The following PCDHGA2 variants were observed in gnomAD, a reference collection of about 807,000 sequenced individuals.
PCDHGA2 encodes the protein protocadherin gamma-A2.
A neutral mutation model predicts 59.2 loss-of-function variants in PCDHGA2; 40 were observed. The observed-to-expected ratio is 0.68, with a 90% confidence interval of 0.52 to 0.88. The LOEUF (loss-of-function observed/expected upper bound fraction) is 0.88. Among genes scored for constraint, PCDHGA2 ranks in the 40% least tolerant of loss-of-function variants. PCDHGA2 has a pLI of 0.00. For synonymous variants in PCDHGA2, 560 were observed against 526.0 expected, an observed-to-expected ratio of 1.06 and a Z score of -0.89; for missense variants, 1,226 against 1,204.0, an observed-to-expected ratio of 1.02 and a Z score of -0.27.
At chr5:141,374,816 C>A (rs771806207) in intron 1 of PCDHGA2, 1 of 1,613,964 alleles carries the variant, frequency 6.2e-7, no homozygotes, top group Non-Finnish European at 8.5e-7. Context: ...GTTTACTCAG[C>A]CTGTCTACCG....
chr5:141,376,633 G>T, intron 1 of PCDHGA2: 15 of 913,104 alleles, frequency 1.6e-5, no homozygotes, highest in East Asian at 3.6e-5. Flanking sequence ...GAAGATTCGT[G>T]ATTTTGTAAA....
At chr5:141,421,619 C>T (rs778666303) in intron 1 of PCDHGA2, 2 of 1,613,694 alleles carry the variant, frequency 1.2e-6, no homozygotes, top group South Asian at 1.1e-5. Flanking sequence ...AATGATAACG[C>T]CCCCAGCTTC....
intron 1 of PCDHGA2, chr5:141,415,853 GTAGT>G: frequency 2.5e-6 from 3 of 1,186,350 alleles, no homozygotes; most frequent in Non-Finnish European, 3.3e-6. Context: ...GCAGAACCTT[GTAGT>G]TTATAGTGTT....
chr5:141,355,540 G>C (rs1357425110), intron 1 of PCDHGA2: 1 of 1,613,966 alleles, frequency 6.2e-7, no homozygotes, highest in Non-Finnish European at 8.5e-7. Flanking sequence ...AGAAGATACA[G>C]TGAAGATTTT....
intron 1 of PCDHGA2, among the ~76,000 whole-genome samples, chr5:141,488,563 C>T (rs1352750895): frequency 1.3e-5 from 2 of 152,134 alleles, no homozygotes; most frequent in Admixed American, 6.6e-5. Flanking sequence ...TTGAGATTTC[C>T]GCAAAGCATT....
chr5:141,468,763 G>A (rs1341363934), intron 1 of PCDHGA2, among the ~76,000 whole-genome samples: 1 of 152,078 alleles, frequency 6.6e-6, no homozygotes, highest in Non-Finnish European at 1.5e-5. Flanking sequence ...CTACTCGGGA[G>A]GCTGAGGCAG....
intron 1 of PCDHGA2, among the ~76,000 whole-genome samples, chr5:141,473,773 T>C (rs1473510505): frequency 6.6e-6 from 1 of 152,254 alleles, no homozygotes; most frequent in Non-Finnish European, 1.5e-5. Context: ...GGATTTGGTA[T>C]TTTAATTCAA....
At position 141,489,335 on chromosome 5, in the gene PCDHGA2, G is replaced by C. The variant is rs138015049; in HGVS notation, c.2425-5472G>C. 1.4e-5 allele frequency: 22 copies of C among 1,607,364 alleles called. No individual in the cohort carries two copies. Among genetic ancestry groups the C allele is most frequent in the Non-Finnish European group, 1.9e-5 (22 of 1,175,842 alleles). The stretch of plus-strand genomic sequence containing the variant: ...TGGGGCTGGGTGTCTGGGCAGCTTC[G>C]TTACTCAGTGGTGGAGGAGTCTGAG... On this transcript the variant is annotated intron_variant, in intron 1 of 3. Transcript: ENST00000394576. This position sits in a 1 kb window ranked among gnomAD's most constrained non-coding sequence, Gnocchi z 4.5.
intron 2 of PCDHGA2, among the ~76,000 whole-genome samples, chr5:141,496,639 C>A (rs752903356): frequency 6.6e-6 from 1 of 152,222 alleles, no homozygotes; most frequent in Non-Finnish European, 1.5e-5. Flanking sequence ...TTGGGCTGCC[C>A]TTGCCCTTCC....
rs189824439 is a variant in PCDHGA2 at position 141,393,729 on chromosome 5, A to G, written c.2424+52334A>G. ...TACTGGGGAAATATCAATAGCAAAA[A>G]GTCTAGATTATGAAGAATGTTCATT... On this transcript the variant is annotated intron_variant, in intron 1 of 3. Transcript: ENST00000394576. 7.2e-4 allele frequency: 1,163 copies of G among 1,613,856 alleles called. 2 individuals carry two copies. Among genetic ancestry groups the G allele is most frequent in the Non-Finnish European group, 7.9e-4 (934 of 1,179,868 alleles).
chr5:141,364,658 G>A, intron 1 of PCDHGA2: 1 of 1,614,020 alleles, frequency 6.2e-7, no homozygotes, highest in South Asian at 1.1e-5. Context: ...TAACATCTTG[G>A]TTGAGAACAA....
At chr5:141,361,363 C>G in intron 1 of PCDHGA2, 1 of 1,614,002 alleles carries the variant, frequency 6.2e-7, no homozygotes, top group South Asian at 1.1e-5. Context: ...AGACGGCGCT[C>G]TGGACCGGGA....
intron 2 of PCDHGA2, among the ~76,000 whole-genome samples, chr5:141,505,177 A>T (rs917485235): frequency 6.6e-6 from 1 of 152,180 alleles, no homozygotes. Context: ...AAAAGAAAAA[A>T]GCATCGGAGG....
At position 141,399,661 on chromosome 5, in the gene PCDHGA2, G is replaced by T. The variant is rs1021211609; in HGVS notation, c.2424+58266G>T. The T allele has an allele frequency of 6.8e-6, 11 of 1,613,526 alleles. No individual in the cohort carries two copies. Among genetic ancestry groups the T allele is most frequent in the Non-Finnish European group, 9.3e-6 (11 of 1,179,892 alleles). ...GAGCGCGCAAAGTGGGGTGGTGTTC[G>T]CGCAGCGCGCCTTTGACTACGAGCA... On this transcript the variant is annotated intron_variant, in intron 1 of 3. Transcript: ENST00000394576.
chr5:141,410,167 T>A (rs372848702), intron 1 of PCDHGA2: 1 of 1,613,770 alleles, frequency 6.2e-7, no homozygotes, highest in South Asian at 1.1e-5. Flanking sequence ...CGCCACTCTC[T>A]GCCACCGCCA....
chr5:141,362,232 C>G, intron 1 of PCDHGA2: 4 of 1,614,034 alleles, frequency 2.5e-6, no homozygotes, highest in Non-Finnish European at 3.4e-6. Flanking sequence ...TGGCCTTGAT[C>G]TCAGTGCTCT....
intron 1 of PCDHGA2, chr5:141,415,170 C>T (rs781724309): frequency 3.7e-6 from 6 of 1,613,878 alleles, no homozygotes; most frequent in South Asian, 2.2e-5. Flanking sequence ...TCACGCTCAC[C>T]GTGGCCGTGG....
intron 1 of PCDHGA2, among the ~76,000 whole-genome samples, chr5:141,437,452 G>GACTAT (rs1319101256): frequency 6.6e-6 from 1 of 152,144 alleles, no homozygotes; most frequent in Non-Finnish European, 1.5e-5. Context: ...ATGTTGAGGA[G>GACTAT]ACTATACTAT....
chr5:141,361,940 C>T (rs1561525180), intron 1 of PCDHGA2: 2 of 1,605,414 alleles, frequency 1.2e-6, no homozygotes, highest in Non-Finnish European at 1.7e-6. Context: ...GGACACAACG[C>T]TTGGCTGTCC....
Sources: gnomAD v4.1 joint callset for allele counts (sites outside exome capture counted in the v4.1 genomes callset) on GRCh38, gnomAD v4.1.1 for gene constraint, Gnocchi (gnomAD v3.1) non-coding constraint, MANE v1.5 for transcripts, NCBI Gene and HGNC (gene_info 2026-07-23, HGNC 2026-07-21) for gene names.